The following PRKAR1A variants were observed in gnomAD, a reference collection of about 807,000 sequenced individuals.
The protein encoded by PRKAR1A is protein kinase cAMP-dependent type I regulatory subunit alpha, also known as cAMP-dependent protein kinase type I-alpha regulatory subunit.
A neutral mutation model predicts 52.0 loss-of-function variants in PRKAR1A; 3 were observed. The observed-to-expected ratio is 0.06, with a 90% CI of 0.03 to 0.15. The LOEUF is 0.15. PRKAR1A is among the 10% of genes least tolerant of loss of function. The pLI is 1.00. For missense variants in PRKAR1A, 240 were observed against 477.4 expected, an observed-to-expected ratio of 0.50 and a Z score of 4.63; for synonymous variants, 188 against 168.4, an observed-to-expected ratio of 1.12 and a Z score of -0.90.
intron 11 of PRKAR1A, chr17:68,539,344 A>C: frequency 2.5e-6 from 4 of 1,614,244 alleles, no homozygotes; most frequent in Non-Finnish European, 3.4e-6. Context: ...TACATGCAGC[A>C]CTGGGAGAGA....
chr17:68,534,345 T>A (rs75015891), downstream of PRKAR1A, among the ~76,000 whole-genome samples: 2,067 of 152,294 alleles, frequency 0.014, 45 homozygotes, highest in African/African-American at 0.047. Flanking sequence ...TAACTGTTGA[T>A]CCTTATCATT....
the PRKAR1A span, among the ~76,000 whole-genome samples, chr17:68,461,392 T>G: frequency 6.6e-6 from 1 of 152,188 alleles, no homozygotes; most frequent in Non-Finnish European, 1.5e-5. This position sits in a 1 kb window ranked among gnomAD's most constrained non-coding sequence, Gnocchi z 4.6. Flanking sequence ...ACAATCAGGT[T>G]GTAATTTTAA....
the PRKAR1A span, chr17:68,450,962 A>T: frequency 2.6e-6 from 4 of 1,554,388 alleles, no homozygotes; most frequent in Non-Finnish European, 3.5e-6. Flanking sequence ...TCCAGCCTCC[A>T]TGACACTGGG....
intron 11 of PRKAR1A, among the ~76,000 whole-genome samples, chr17:68,546,641 T>C (rs998938411): frequency 3.2e-4 from 48 of 152,092 alleles, no homozygotes; most frequent in Admixed American, 1.4e-3. Context: ...CCATCCTGGC[T>C]AACACGGTGA....
At chr17:68,477,321 C>T in the PRKAR1A span, among the ~76,000 whole-genome samples, 21,174 of 152,076 alleles carry the variant, frequency 0.14, 1,512 homozygotes, top group Middle Eastern at 0.2. Flanking sequence ...CATTTTCTGC[C>T]ATTAATTCAT....
At chr17:68,507,732 A>T (rs991638298), upstream of PRKAR1A, among the ~76,000 whole-genome samples, 4 of 152,206 alleles carry the variant, frequency 2.6e-5, no homozygotes, top group South Asian at 6.2e-4. Flanking sequence ...TGTGTGGGTG[A>T]CTGACTCATC....
At chr17:68,421,106 C>T in the PRKAR1A span, 7 of 154,798 alleles carry the variant, frequency 4.5e-5, no homozygotes, top group Admixed American at 4.4e-4. Context: ...CAGATTTAGA[C>T]CAAAGTTAGG....
the PRKAR1A span, among the ~76,000 whole-genome samples, chr17:68,454,200 C>A: frequency 6.6e-6 from 1 of 152,192 alleles, no homozygotes; most frequent in Non-Finnish European, 1.5e-5. Flanking sequence ...AATCCTCACC[C>A]AGCTCTTTCC....
At chr17:68,498,030 A>C in the PRKAR1A span, among the ~76,000 whole-genome samples, 1 of 151,992 alleles carries the variant, frequency 6.6e-6, no homozygotes. Flanking sequence ...CATGCTTGTA[A>C]GCTAGATGGA....
At chr17:68,425,991 A>G in the PRKAR1A span, 1 of 1,039,464 alleles carries the variant, frequency 9.6e-7, no homozygotes, top group Admixed American at 1.9e-5. Flanking sequence ...AAACAGGGAA[A>G]GGGACTCTGC....
At chr17:68,507,548 A>G (rs538860855), upstream of PRKAR1A, among the ~76,000 whole-genome samples, 250 of 152,344 alleles carry the variant, frequency 1.6e-3, no homozygotes, top group Middle Eastern at 3.4e-3. Flanking sequence ...CTTAATACCT[A>G]GGTGATGAGC....
At chr17:68,460,049 G>A in the PRKAR1A span, among the ~76,000 whole-genome samples, 37 of 152,204 alleles carry the variant, frequency 2.4e-4, no homozygotes, top group African/African-American at 8.4e-4. Flanking sequence ...TCACACTCCT[G>A]ACCTCATGAT....
At chr17:68,433,529 G>C in the PRKAR1A span, 20 of 1,613,896 alleles carry the variant, frequency 1.2e-5, no homozygotes, top group African/African-American at 1.7e-4. Context: ...GAGGCGCAGA[G>C]GAATTGTGAA....
intron 11 of PRKAR1A, among the ~76,000 whole-genome samples, chr17:68,546,168 CAAAAAAAAAAAAAAAA>C (rs750780505): frequency 2.0e-5 from 2 of 98,920 alleles, no homozygotes; most frequent in African/African-American, 8.8e-5. Context: ...GACTCCATCT[CAAAAAAAAAAAAAAAA>C]AAAAAAAAAA....
the PRKAR1A span, among the ~76,000 whole-genome samples, chr17:68,438,789 CAG>C: frequency 1.3e-5 from 2 of 152,174 alleles, no homozygotes; most frequent in African/African-American, 4.8e-5. Context: ...TCAGTAGAGA[CAG>C]GGTTTCACCA....
the PRKAR1A span, among the ~76,000 whole-genome samples, chr17:68,458,440 C>G: frequency 1.3e-5 from 2 of 152,054 alleles, no homozygotes; most frequent in African/African-American, 4.8e-5. Flanking sequence ...CTAACCAGGA[C>G]AGAAATGACT....
At chr17:68,467,583 T>C in the PRKAR1A span, among the ~76,000 whole-genome samples, 1 of 152,218 alleles carries the variant, frequency 6.6e-6, no homozygotes, top group Non-Finnish European at 1.5e-5. Context: ...AAAGCCCTAC[T>C]GTACTCTCAA....
At chr17:68,437,005 A>AAT in the PRKAR1A span, among the ~76,000 whole-genome samples, 7 of 107,264 alleles carry the variant, frequency 6.5e-5, no homozygotes, top group African/African-American at 1.1e-4. Flanking sequence ...AAAAAAAAAA[A>AAT]ATATATATAT....
the PRKAR1A span, chr17:68,420,681 T>C: frequency 1.7e-6 from 1 of 592,056 alleles, no homozygotes; most frequent in Non-Finnish European, 2.9e-6. Flanking sequence ...TGTGCCTTAA[T>C]GGGAAGCACA....
Sources: gnomAD v4.1 joint callset for allele counts (sites outside exome capture counted in the v4.1 genomes callset) on GRCh38, gnomAD v4.1.1 for gene constraint, Gnocchi (gnomAD v3.1) non-coding constraint, MANE v1.5 for transcripts, NCBI Gene and HGNC (gene_info 2026-07-23, HGNC 2026-07-21) for gene names.